The following SAMMSON variants were observed in gnomAD, a reference collection of about 807,000 sequenced individuals.
The protein encoded by SAMMSON is survival associated mitochondrial melanoma specific oncogenic non-coding RNA.
chr3:70,169,131 T>C (rs2067650900), intron 4 of SAMMSON, among the ~76,000 whole-genome samples: 1 of 152,038 alleles, frequency 6.6e-6, no homozygotes, highest in Non-Finnish European at 1.5e-5. Flanking sequence ...ATGTGTTTAA[T>C]GTCACAGATC....
chr3:70,326,211 C>T (rs563788420), intron 7 of SAMMSON, among the ~76,000 whole-genome samples: 1 of 151,956 alleles, frequency 6.6e-6, no homozygotes, highest in Non-Finnish European at 1.5e-5. Context: ...TATTTACTCT[C>T]AGAGTGTAAC....
Position 70,115,069 on chromosome 3 carries a change from A to G in SAMMSON, n.507+43504A>G, listed in dbSNP as rs554590786. Among the ~76,000 whole-genome samples, 31 of 152,162 alleles carry G rather than the reference A, an allele frequency of 2.0e-4. No individual in the cohort carries two copies. The South Asian group carries it at 5.8e-3, about 28-fold the overall frequency. On this transcript the variant is annotated intron_variant and non_coding_transcript_variant, in intron 4 of 9. Coordinates refer to ENST00000642114, the Ensembl canonical transcript of SAMMSON. Reference sequence around the variant, plus strand: ...TTGATAACATTGCAGAATATGCCTTATTACTTCAGATTATTCATTAGAATA... The same window carrying G: ...TTGATAACATTGCAGAATATGCCTTGTTACTTCAGATTATTCATTAGAATA...
intron 4 of SAMMSON, among the ~76,000 whole-genome samples, chr3:70,108,772 A>G (rs1330422617): frequency 6.6e-6 from 1 of 152,052 alleles, no homozygotes; most frequent in Non-Finnish European, 1.5e-5. Flanking sequence ...CTACAAGCCA[A>G]GAGAAGATGC....
chr3:70,266,748 T>C (rs2106666810), intron 6 of SAMMSON, among the ~76,000 whole-genome samples: 1 of 152,328 alleles, frequency 6.6e-6, no homozygotes, highest in Non-Finnish European at 1.5e-5. Context: ...ACCTGGCTTA[T>C]ACTTTTCTTT....
intron 1 of SAMMSON, among the ~76,000 whole-genome samples, chr3:70,010,925 G>C (rs2066952231): frequency 6.6e-6 from 1 of 152,070 alleles, no homozygotes; most frequent in Admixed American, 6.5e-5. Context: ...CGTGAGAACA[G>C]CATGCAGGTG....
chr3:70,400,499 G>T (rs768095771), intron 2 of SAMMSON, among the ~76,000 whole-genome samples: 4 of 152,152 alleles, frequency 2.6e-5, no homozygotes, highest in Non-Finnish European at 5.9e-5. Context: ...GCAGTGTAAG[G>T]CTCTCACCAG....
At chr3:70,304,567 CT>C (rs1318981738) in intron 7 of SAMMSON, among the ~76,000 whole-genome samples, 20 of 152,122 alleles carry the variant, frequency 1.3e-4, no homozygotes, top group Non-Finnish European at 2.9e-5. Context: ...TGATTCCTTT[CT>C]TTGTATCACC....
chr3:70,180,980 G>T (rs1163830959), intron 4 of SAMMSON, among the ~76,000 whole-genome samples: 1 of 152,156 alleles, frequency 6.6e-6, no homozygotes, highest in Non-Finnish European at 1.5e-5. Flanking sequence ...CTTATGTTGG[G>T]GGACTAGCTG....
intron 4 of SAMMSON, among the ~76,000 whole-genome samples, chr3:70,215,974 A>G (rs1279506362): frequency 6.6e-6 from 1 of 152,044 alleles, no homozygotes; most frequent in Non-Finnish European, 1.5e-5. Flanking sequence ...TTGGTATTTT[A>G]TTTTGATTTG....
intron 4 of SAMMSON, among the ~76,000 whole-genome samples, chr3:70,230,795 T>A (rs1701552341): frequency 1.3e-5 from 2 of 152,140 alleles, no homozygotes; most frequent in African/African-American, 4.8e-5. Context: ...GAGACCAAGG[T>A]CCAAATACGT....
At chr3:70,339,906 A>G (rs1702697657) in intron 7 of SAMMSON, among the ~76,000 whole-genome samples, 1 of 152,184 alleles carries the variant, frequency 6.6e-6, no homozygotes, top group Non-Finnish European at 1.5e-5. Flanking sequence ...ATTACTGGGT[A>G]TATACCCAAA....
intron 9 of SAMMSON, among the ~76,000 whole-genome samples, chr3:70,379,509 CT>C (rs1274868782): frequency 6.6e-6 from 1 of 152,132 alleles, no homozygotes; most frequent in Non-Finnish European, 1.5e-5. Context: ...TGAGCAACAA[CT>C]TTACATGACC....
At chr3:70,089,549 G>A (rs1359774764) in intron 4 of SAMMSON, among the ~76,000 whole-genome samples, 1 of 150,080 alleles carries the variant, frequency 6.7e-6, no homozygotes, top group East Asian at 2.0e-4. Context: ...GGGGGTGGGG[G>A]TGGGGCTGAG....
At chr3:70,165,248 T>C (rs2067632175) in intron 4 of SAMMSON, among the ~76,000 whole-genome samples, 1 of 152,044 alleles carries the variant, frequency 6.6e-6, no homozygotes, top group South Asian at 2.1e-4. Context: ...TGCAGACTTA[T>C]CAGATAACAC....
At chr3:70,332,182 A>T (rs1702625796) in intron 7 of SAMMSON, among the ~76,000 whole-genome samples, 1 of 152,262 alleles carries the variant, frequency 6.6e-6, no homozygotes, top group African/African-American at 2.4e-5. Flanking sequence ...AACACACAGC[A>T]TTCAAAAGAG....
intron 4 of SAMMSON, chr3:70,075,383 A>C (rs1329083260): frequency 6.6e-6 from 1 of 152,122 alleles, no homozygotes; most frequent in Non-Finnish European, 1.5e-5. Flanking sequence ...AAAATCTCTC[A>C]AATGACATTG....
chr3:70,223,713 T>C (rs1701479571), intron 4 of SAMMSON, among the ~76,000 whole-genome samples: 1 of 152,166 alleles, frequency 6.6e-6, no homozygotes, highest in Non-Finnish European at 1.5e-5. Flanking sequence ...TTTAAGAGCA[T>C]CCTAGAACAG....
At chr3:70,051,441 C>T (rs1431254124) in intron 3 of SAMMSON, among the ~76,000 whole-genome samples, 1 of 141,936 alleles carries the variant, frequency 7.0e-6, no homozygotes, top group Non-Finnish European at 1.5e-5. Context: ...CGGTTTTTGC[C>T]ATTCTAATGG....
intron 4 of SAMMSON, among the ~76,000 whole-genome samples, chr3:70,200,115 C>T (rs777121771): frequency 9.9e-5 from 15 of 152,246 alleles, no homozygotes; most frequent in South Asian, 2.1e-4. Context: ...ACCTCAAATT[C>T]GTATTCGAAA....
Sources: gnomAD v4.1 joint callset for allele counts (sites outside exome capture counted in the v4.1 genomes callset) on GRCh38, gnomAD v4.1.1 for gene constraint, MANE v1.5 for transcripts, NCBI Gene and HGNC (gene_info 2026-07-23, HGNC 2026-07-21) for gene names.